Variants in FOCAD observed in about 807,000 individuals in gnomAD.
FOCAD encodes the protein focadhesin.
In FOCAD, 198 loss-of-function variants were observed where a neutral mutation model predicts 225.6. The ratio of observed to expected loss-of-function variants is 0.88; its 90% CI spans 0.78 to 0.99. The LOEUF is 0.99. Among genes scored for constraint, FOCAD ranks in the 50% least tolerant of loss-of-function variants. The pLI is 0.00. For synonymous variants in FOCAD, 897 were observed against 755.0 expected (o/e 1.19, Z -3.08); for missense variants, 2,713 against 2,123.6 (o/e 1.28, Z -5.46).
chr9:20,904,878 G>A (rs550888865), intron 21 of FOCAD, among the ~76,000 whole-genome samples: 6 of 151,946 alleles, frequency 3.9e-5, no homozygotes, highest in Admixed American at 3.9e-4. Context: ...AATGCTAATT[G>A]AATTTATTTT....
chr9:20,679,115 CTGTGTATGTGTGTGTGTGTG>C (rs1291375623), intron 2 of FOCAD, among the ~76,000 whole-genome samples: 32 of 93,048 alleles, frequency 3.4e-4, no homozygotes, highest in African/African-American at 1.3e-3. Context: ...AACAGACAGT[CTGTGTATGTGTGTGTGTGTG>C]TGTGTGTGTG....
intron 18 of FOCAD, among the ~76,000 whole-genome samples, chr9:20,873,534 C>T (rs936591865): frequency 5.9e-5 from 9 of 152,238 alleles, no homozygotes; most frequent in Non-Finnish European, 1.2e-4. Context: ...TGGCTGATTC[C>T]GCCCTCTGAG....
At chr9:20,994,631 A>G (rs1841922743) in intron 43 of FOCAD, among the ~76,000 whole-genome samples, 1 of 152,176 alleles carries the variant, frequency 6.6e-6, no homozygotes, top group South Asian at 2.1e-4. Context: ...AAACCACAGA[A>G]CTTCACTGAA....
At chr9:20,870,658 C>T (rs1220587556) in intron 18 of FOCAD, among the ~76,000 whole-genome samples, 1 of 152,200 alleles carries the variant, frequency 6.6e-6, no homozygotes, top group African/African-American at 2.4e-5. Context: ...CCCAATCACA[C>T]TGAATCACAA....
At chr9:20,769,153 C>G (rs554025948) in intron 7 of FOCAD, among the ~76,000 whole-genome samples, 6 of 152,090 alleles carry the variant, frequency 3.9e-5, no homozygotes, top group Admixed American at 6.6e-5. Flanking sequence ...ACAATGTTTT[C>G]TGCTATTTCT....
intron 1 of FOCAD, among the ~76,000 whole-genome samples, chr9:20,713,929 G>T (rs1256050016): frequency 2.0e-5 from 3 of 152,180 alleles, no homozygotes; most frequent in Admixed American, 2.0e-4. Flanking sequence ...AGTAGATTTA[G>T]ATAGGAAAAT....
chr9:20,655,736 G>T (rs9886896), upstream of FOCAD, among the ~76,000 whole-genome samples: 30,955 of 152,036 alleles, frequency 0.2, 3,372 homozygotes, highest in Non-Finnish European at 0.23. Flanking sequence ...AGCTCCTGGA[G>T]TCATGACTTT....
intron 4 of FOCAD, among the ~76,000 whole-genome samples, chr9:20,739,120 C>G (rs1274121597): frequency 1.3e-5 from 2 of 152,092 alleles, no homozygotes; most frequent in African/African-American, 4.8e-5. Context: ...AAAAAATACA[C>G]TCAGTAACAT....
chr9:20,794,772 G>T (rs1265758692), intron 11 of FOCAD, among the ~76,000 whole-genome samples: 1 of 151,986 alleles, frequency 6.6e-6, no homozygotes, highest in African/African-American at 2.4e-5. Flanking sequence ...GAATACCATT[G>T]GTGGATTATC....
chr9:20,986,322 A>G lies in FOCAD; in HGVS notation c.4763A>G (p.Tyr1588Cys), dbSNP rs763380968. 3 of 1,554,384 alleles carry G rather than the reference A, an allele frequency of 1.9e-6. No homozygotes were observed. The South Asian group carries it at 3.4e-5, about 17-fold the overall frequency. ...NIEKAAFVKL[Y>C]LVSQGRFPLV... ...GAAAAAGCTGCCTTTGTCAAACTGT[A>G]CTTAGTCTCTCAAGGACGATTCCCC... Residue 1588 changes from tyrosine to cysteine, a missense_variant, in exon 40 of 44, where the codon TAC (tyrosine) becomes TGC (cysteine). Coordinates refer to ENST00000338382, the MANE Select transcript of FOCAD (RefSeq NM_001375567.1).
At chr9:20,692,617 C>T (rs529035713) in intron 1 of FOCAD, among the ~76,000 whole-genome samples, 2 of 152,240 alleles carry the variant, frequency 1.3e-5, no homozygotes, top group South Asian at 2.1e-4. Context: ...ATGTAGTGAT[C>T]GGCACTGGTA....
At chr9:20,704,736 T>C (rs966471158) in intron 1 of FOCAD, among the ~76,000 whole-genome samples, 1 of 152,224 alleles carries the variant, frequency 6.6e-6, no homozygotes, top group African/African-American at 2.4e-5. Context: ...ACTAAATTGC[T>C]GCTCACTTTA....
chr9:20,696,824 ATAAT>A (rs1443097892), intron 1 of FOCAD, among the ~76,000 whole-genome samples: 1 of 151,872 alleles, frequency 6.6e-6, no homozygotes, highest in African/African-American at 2.4e-5. Flanking sequence ...AATAATAATA[ATAAT>A]TAATTGCCAT....
chr9:20,736,792 G>C (rs576284519), intron 4 of FOCAD, among the ~76,000 whole-genome samples: 4 of 152,168 alleles, frequency 2.6e-5, no homozygotes, highest in Admixed American at 6.5e-5. Context: ...TGAAGACGAG[G>C]ATGTTGAGAC....
chr9:20,866,917 T>TTTTTTTTTTTTAAAAAA lies in FOCAD; in HGVS notation c.2107-12_2107-11insTTTTTTTTTTTAAAAAA. 3 of 764,972 alleles carry TTTTTTTTTTTTAAAAAA rather than the reference T, an allele frequency of 3.9e-6. No individual in the cohort carries two copies. Among genetic ancestry groups the TTTTTTTTTTTTAAAAAA allele is most frequent in the Non-Finnish European group, 4.0e-6 (2 of 498,468 alleles). 47.4% of individuals were successfully genotyped at this position (764,972 alleles called of 1,614,324 possible). On this transcript the variant is annotated splice_polypyrimidine_tract_variant and intron_variant, in intron 17 of 43. Transcript: ENST00000338382. ...TTTTTTTTTTTTTTTTTTTTTTTTT[T>TTTTTTTTTTTTAAAAAA]ACCCTATCTAGGACCCAATTGTAGC...
At chr9:20,866,828 A>C (rs1829303880) in intron 17 of FOCAD, 101 bp from the exon 18 acceptor site, 138 of 585,632 alleles carry the variant, frequency 2.4e-4, no homozygotes, top group Middle Eastern at 4.4e-4. Context: ...TGGTGAGGGA[A>C]GGTTTCTTTC....
At chr9:20,913,477 C>G (rs1337672969) in intron 23 of FOCAD, among the ~76,000 whole-genome samples, 1 of 152,068 alleles carries the variant, frequency 6.6e-6, no homozygotes, top group Non-Finnish European at 1.5e-5. Context: ...ATAAAAGCAA[C>G]TTAAACTGTT....
intron 31 of FOCAD, among the ~76,000 whole-genome samples, chr9:20,948,595 T>G (rs1837405564): frequency 6.6e-6 from 1 of 152,188 alleles, no homozygotes; most frequent in Admixed American, 6.5e-5. Context: ...AACTGGCTAT[T>G]TTGTCTGAGT....
chr9:20,795,206 T>A (rs531413038), intron 11 of FOCAD, among the ~76,000 whole-genome samples: 127 of 152,202 alleles, frequency 8.3e-4, no homozygotes, highest in Non-Finnish European at 1.6e-3. Context: ...GAAAATAAGC[T>A]TAAATCTTAC....
Sources: allele counts gnomAD v4.1 joint callset (sites outside exome capture counted in the v4.1 genomes callset), GRCh38; gene constraint gnomAD v4.1.1; transcripts MANE v1.5; gene names NCBI Gene and HGNC (gene_info 2026-07-23, HGNC 2026-07-21).